Variants in TRHDE observed in about 807,000 individuals in gnomAD.
TRHDE encodes the protein thyrotropin-releasing hormone-degrading ectoenzyme.
A neutral mutation model predicts 125.7 loss-of-function variants in TRHDE; 72 were observed. The observed-to-expected ratio is 0.57, with a 90% CI of 0.47 to 0.70. The LOEUF (loss-of-function observed/expected upper bound fraction) is 0.70. Ranked by LOEUF, TRHDE falls within the 30% of genes least tolerant of loss-of-function variation. The probability of loss-of-function intolerance (pLI) is 0.00; values close to 1 mark genes in which losing one functional copy is unlikely to be tolerated. For missense variants in TRHDE, 1,110 were observed against 1,327.1 expected, an observed-to-expected ratio of 0.84 and a Z score of 2.54; for synonymous variants, 509 against 509.1, an observed-to-expected ratio of 1.00 and a Z score of 0.00.
intron 2 of TRHDE, among the ~76,000 whole-genome samples, chr12:72,169,029 C>G (rs778529858): frequency 1.3e-5 from 2 of 152,122 alleles, no homozygotes; most frequent in Non-Finnish European, 1.5e-5. Context: ...CTCAAGCTGG[C>G]AAGCTATATA....
intron 2 of TRHDE, among the ~76,000 whole-genome samples, chr12:72,231,146 A>T (rs557182223): frequency 6.6e-6 from 1 of 152,304 alleles, no homozygotes; most frequent in African/African-American, 2.4e-5. Context: ...TTAGAAGTAC[A>T]TAAAAATATA....
intron 3 of TRHDE, among the ~76,000 whole-genome samples, chr12:72,397,599 TTTATGCTTA>T (rs1328597347): frequency 6.6e-6 from 1 of 152,150 alleles, no homozygotes; most frequent in Admixed American, 6.5e-5. Flanking sequence ...ATACAATCTT[TTTATGCTTA>T]TTTGAATGCA....
chr12:72,568,690 G>T, intron 10 of TRHDE, 34 bp downstream of exon 10: 1 of 1,457,486 alleles, frequency 6.9e-7, no homozygotes, highest in South Asian at 1.2e-5. Context: ...GGAAGTATCT[G>T]GTTTCAGATA....
chr12:72,158,932 G>A (rs1328923820), intron 2 of TRHDE, among the ~76,000 whole-genome samples: 3 of 152,038 alleles, frequency 2.0e-5, no homozygotes, highest in Non-Finnish European at 4.4e-5. Flanking sequence ...TCTTACAAAT[G>A]GCCAATCAAT....
At chr12:72,417,107 AT>A (rs1873763094) in intron 3 of TRHDE, among the ~76,000 whole-genome samples, 3 of 151,742 alleles carry the variant, frequency 2.0e-5, no homozygotes, top group African/African-American at 7.3e-5. Flanking sequence ...ATTCCTGGGT[AT>A]TTCATTTTAT....
At chr12:72,185,056 G>A (rs1353091601) in intron 2 of TRHDE, among the ~76,000 whole-genome samples, 1 of 152,174 alleles carries the variant, frequency 6.6e-6, no homozygotes, top group Admixed American at 6.5e-5. Context: ...GCTTGAGCGG[G>A]AACCGGGGCT....
At chr12:72,615,330 C>T (rs1434225425) in intron 12 of TRHDE, among the ~76,000 whole-genome samples, 1 of 152,136 alleles carries the variant, frequency 6.6e-6, no homozygotes, top group East Asian at 1.9e-4. Flanking sequence ...AGGGAAACTG[C>T]ATTTCAGCTT....
At chr12:72,655,721 A>G (rs1874683749) in intron 17 of TRHDE, among the ~76,000 whole-genome samples, 2 of 152,216 alleles carry the variant, frequency 1.3e-5, no homozygotes, top group African/African-American at 2.4e-5. Context: ...ACAGGACAAT[A>G]TAAGTAAAAA....
At chr12:72,141,478 A>C (rs897389526) in intron 2 of TRHDE, among the ~76,000 whole-genome samples, 5 of 152,120 alleles carry the variant, frequency 3.3e-5, no homozygotes, top group African/African-American at 1.2e-4. Context: ...CAATGCTCTT[A>C]AAGTCTCAGA....
At chr12:72,645,868 A>G (rs191918124) in intron 15 of TRHDE, among the ~76,000 whole-genome samples, 4 of 152,244 alleles carry the variant, frequency 2.6e-5, no homozygotes, top group Admixed American at 6.5e-5. Flanking sequence ...CTATACAAGC[A>G]ATAATGTCAT....
chr12:72,196,802 C>T (rs536162161), intron 2 of TRHDE, among the ~76,000 whole-genome samples: 101 of 152,170 alleles, frequency 6.6e-4, no homozygotes, highest in African/African-American at 2.1e-3. Flanking sequence ...TCTCTAGTTT[C>T]ATCACTTTTT....
intron 2 of TRHDE, among the ~76,000 whole-genome samples, chr12:72,130,343 A>G (rs1875832264): frequency 6.6e-6 from 1 of 152,186 alleles, no homozygotes; most frequent in Non-Finnish European, 1.5e-5. Flanking sequence ...ATGCTGAGGT[A>G]ATTTTGAAAA....
At chr12:72,396,268 C>T (rs1157022975) in intron 3 of TRHDE, among the ~76,000 whole-genome samples, 2 of 152,158 alleles carry the variant, frequency 1.3e-5, no homozygotes, top group Admixed American at 1.3e-4. Flanking sequence ...CTGTTAATAG[C>T]ATATTCTTCA....
At chr12:72,360,165 T>A (rs543035678) in intron 2 of TRHDE, among the ~76,000 whole-genome samples, 1 of 151,868 alleles carries the variant, frequency 6.6e-6, no homozygotes, top group Non-Finnish European at 1.5e-5. Flanking sequence ...ACAAAGAACA[T>A]TTTGACCTTG....
intron 2 of TRHDE, among the ~76,000 whole-genome samples, chr12:72,348,560 G>T (rs1002694537): frequency 6.6e-6 from 1 of 151,878 alleles, no homozygotes; most frequent in African/African-American, 2.4e-5. Context: ...TATACTGAGG[G>T]TGTTAAATCT....
chr12:72,610,649 G>T (rs1872600931), intron 12 of TRHDE: 1 of 152,202 alleles, frequency 6.6e-6, no homozygotes, highest in Non-Finnish European at 1.5e-5. Flanking sequence ...GGCAGAAGCA[G>T]GAACCACAGG....
At chr12:72,446,997 A>G (rs1317297050) in intron 3 of TRHDE, among the ~76,000 whole-genome samples, 4 of 152,114 alleles carry the variant, frequency 2.6e-5, no homozygotes, top group African/African-American at 4.8e-5. Context: ...AATTGAACTC[A>G]GCTCTGCACC....
At chr12:72,302,633 C>T (rs1868279094) in intron 2 of TRHDE, among the ~76,000 whole-genome samples, 2 of 152,252 alleles carry the variant, frequency 1.3e-5, no homozygotes, top group Admixed American at 6.5e-5. Flanking sequence ...GATCCGACTG[C>T]AGAGATCCTG....
chr12:72,169,778 A>C (rs1876830242), intron 2 of TRHDE, among the ~76,000 whole-genome samples: 2 of 152,058 alleles, frequency 1.3e-5, no homozygotes, highest in African/African-American at 2.4e-5. Context: ...ACCCCATTAA[A>C]CCTTAATTAC....
Sources: allele counts gnomAD v4.1 joint callset (sites outside exome capture counted in the v4.1 genomes callset), GRCh38; gene constraint gnomAD v4.1.1; transcripts MANE v1.5; gene names NCBI Gene and HGNC (gene_info 2026-07-23, HGNC 2026-07-21).